Variants in PTPRN2 observed in about 807,000 individuals in gnomAD.
The protein encoded by PTPRN2 is receptor-type tyrosine-protein phosphatase N2.
A neutral mutation model predicts 118.8 loss-of-function variants in PTPRN2; 74 were observed. The ratio of observed to expected loss-of-function variants is 0.62; its 90% CI spans 0.52 to 0.76. The LOEUF (loss-of-function observed/expected upper bound fraction) is 0.76, where lower values mean the gene tolerates loss of function less well. PTPRN2 is among the 30% of genes least tolerant of loss of function. The pLI is 0.00. For synonymous variants in PTPRN2, 641 were observed against 608.0 expected, an observed-to-expected ratio of 1.05 and a Z score of -0.80; for missense variants, 1,481 against 1,394.4, an observed-to-expected ratio of 1.06 and a Z score of -0.99.
intron 2 of PTPRN2, among the ~76,000 whole-genome samples, chr7:158,387,578 G>GGGGGCTGCGGCAT (rs1563230352): frequency 7.6e-3 from 128 of 16,918 alleles, no homozygotes; most frequent in Middle Eastern, 0.031. Context: ...TGTCAGCTCA[G>GGGGGCTGCGGCAT]CTTGGCCCGG....
chr7:157,666,521 C>T (rs1250796870), intron 13 of PTPRN2, among the ~76,000 whole-genome samples: 1 of 149,760 alleles, frequency 6.7e-6, no homozygotes, highest in East Asian at 1.9e-4. Context: ...AAAAACCCCA[C>T]AGTAGAAAAT....
At chr7:158,337,569 A>C (rs1182717571) in intron 2 of PTPRN2, among the ~76,000 whole-genome samples, 2 of 140,038 alleles carry the variant, frequency 1.4e-5, no homozygotes, top group South Asian at 4.5e-4. Flanking sequence ...TCTCACCATA[A>C]TTGGTGACAC....
rs1475090619 is a variant in PTPRN2, at chr7:157,763,358, C to T, written c.1789-80421G>A. Among the ~76,000 whole-genome samples, 1 of 152,236 alleles carries T rather than the reference C, an allele frequency of 6.6e-6. No individual in the cohort carries two copies. The highest frequency in any genetic ancestry group is 1.5e-5 in the Non-Finnish European group (1 of 68,042). ...GGTGATGACAGCACAGACTCCAGCT[C>T]TCCAGAGGCCCAAGACAGCCTGCCC... is the stretch of plus-strand genomic sequence containing the variant. On this transcript the variant is annotated intron_variant, in intron 12 of 22. Transcript: ENST00000389418. The surrounding 1 kb of genome is among the most constrained non-coding windows in gnomAD (Gnocchi z 4.9).
At position 158,333,451 on chromosome 7, in the gene PTPRN2, C is replaced by CA. The variant is rs1804909961; in HGVS notation, c.164-16520_164-16519insT. On this transcript the variant is annotated intron_variant, in intron 2 of 22. Coordinates refer to ENST00000389418, the MANE Select transcript of PTPRN2 (RefSeq NM_002847.5). Reference sequence around the variant, plus strand: ...CATAAGAGGTGACACCTGCAGACGTCTCTCACACCCACACTCTCTCCATAA... The same window carrying CA: ...CATAAGAGGTGACACCTGCAGACGTCATCTCACACCCACACTCTCTCCATAA... Among the ~76,000 whole-genome samples the CA allele has an allele frequency of 1.4e-5, 2 of 146,132 alleles. 1 individual carries two copies. The highest frequency in any genetic ancestry group is 5.5e-5 in the African/African-American group (2 of 36,478).
intron 21 of PTPRN2, among the ~76,000 whole-genome samples, chr7:157,554,780 G>A (rs1176382427): frequency 2.0e-5 from 3 of 152,376 alleles, no homozygotes; most frequent in Admixed American, 6.5e-5. Flanking sequence ...GGGACAGAGC[G>A]TGGGGTCCAC....
In PTPRN2 at chr7:158,336,523, TAA is replaced by T. The variant is rs1355395181; in HGVS notation, c.164-19593_164-19592del. On this transcript the variant is annotated intron_variant, in intron 2 of 22. Coordinates refer to ENST00000389418, the MANE Select transcript of PTPRN2 (RefSeq NM_002847.5). The stretch of plus-strand genomic sequence containing the variant: ...GTCACTCACACCCACACTCTCACCA[TAA>T]GAGGTGAAACCTGCCGACGTCACTC... Among the ~76,000 whole-genome samples, 51 of 121,258 alleles carry T rather than the reference TAA, an allele frequency of 4.2e-4. 3 individuals are homozygous for T. Among genetic ancestry groups the T allele is most frequent in the Admixed American group, 2.3e-3 (28 of 12,052 alleles). The allele number at this position is 121,258 out of a possible 152,430, so 79.5% of individuals were successfully genotyped here. A position where few individuals can be genotyped will look rare whatever the true frequency, so the allele number is the denominator to read the frequency against.
rs117373075 is a variant in PTPRN2, at chr7:158,101,859, C to A, written c.1643+8970G>T. Among the ~76,000 whole-genome samples, 771 of 152,326 alleles carry A rather than the reference C, an allele frequency of 5.1e-3. 26 individuals are homozygous for A. In the East Asian group the frequency reaches 0.098, roughly 19 times the overall value. On this transcript the variant is annotated intron_variant, in intron 10 of 22. Coordinates refer to ENST00000389418, the MANE Select transcript of PTPRN2 (RefSeq NM_002847.5). ...ACCACTCCTCCCTTCTTCATTCTGG[C>A]CCACCCTCTCCCAGGGGATGTTACT... is the stretch of plus-strand genomic sequence containing the variant.
In PTPRN2 at chr7:157,587,226, GCAGACAGGCAGACAGCGAGACAGGCAGA is replaced by G. The variant is rs1585068389; in HGVS notation, c.2496+7984_2496+8011del. On this transcript the variant is annotated intron_variant, in intron 17 of 22. Transcript: ENST00000389418. The surrounding 1 kb of genome is among the most constrained non-coding windows in gnomAD (Gnocchi z 5.3). The stretch of plus-strand genomic sequence containing the variant: ...AGGCAGACAGAGACAAGACACACAG[GCAGACAGGCAGACAGCGAGACAGGCAGA>G]CAGACAGGCAGACAAACAGGCAGAC... 3.3e-5 allele frequency among the ~76,000 whole-genome samples: 5 copies of G among 151,404 alleles called. No individual in the cohort carries two copies. The South Asian group carries it at 1.0e-3, about 32-fold the overall frequency.
At chr7:158,366,256 ACACACACC>A (rs1381965055) in intron 2 of PTPRN2, among the ~76,000 whole-genome samples, 1 of 146,470 alleles carries the variant, frequency 6.8e-6, no homozygotes, top group African/African-American at 2.6e-5. Context: ...GTGCACATGC[ACACACACC>A]CACACACCCA....
intron 1 of PTPRN2, among the ~76,000 whole-genome samples, chr7:158,490,107 C>T (rs1821336406): frequency 1.3e-5 from 2 of 152,172 alleles, no homozygotes; most frequent in Non-Finnish European, 2.9e-5. Flanking sequence ...CGGGGCCTCC[C>T]CTTGAGGCCT....
chr7:158,488,568 C>T (rs1186947105), intron 2 of PTPRN2, among the ~76,000 whole-genome samples: 1 of 152,220 alleles, frequency 6.6e-6, no homozygotes, highest in Admixed American at 6.5e-5. Context: ...CTCAGACCCT[C>T]AGAGGCATTC....
chr7:158,071,278 C>CATAGTATGGAGGTGCT (rs1811481871), intron 11 of PTPRN2, among the ~76,000 whole-genome samples: 1 of 25,126 alleles, frequency 4.0e-5, no homozygotes, highest in African/African-American at 1.9e-4. Flanking sequence ...GTGGAGGTGC[C>CATAGTATGGAGGTGCT]CGTGGTGGTG....
In PTPRN2 at chr7:157,539,752, CCTT is replaced by C. The variant is rs1215170371; in HGVS notation, c.*959_*961del. 2.0e-5 allele frequency: 3 copies of C among 151,922 alleles called. No individual in the cohort carries two copies. Among genetic ancestry groups the C allele is most frequent in the African/African-American group, 7.3e-5 (3 of 41,128 alleles). 9.4% of individuals were successfully genotyped at this position (151,922 alleles called of 1,614,324 possible). On this transcript the variant is annotated 3_prime_UTR_variant, in exon 23 of 23. Coordinates refer to ENST00000389418, the MANE Select transcript of PTPRN2 (RefSeq NM_002847.5). The stretch of plus-strand genomic sequence containing the variant: ...AGCCCTCTCCGAGTTGCCCTGATCT[CCTT>C]CTCTCCCAGGAGGGAAATGTCCCCT...
At chr7:157,823,922 T>G (rs1382118312) in intron 12 of PTPRN2, among the ~76,000 whole-genome samples, 1 of 152,170 alleles carries the variant, frequency 6.6e-6, no homozygotes, top group African/African-American at 2.4e-5. Context: ...CAGTCCTTCG[T>G]TCCACAGCTG....
intron 13 of PTPRN2, chr7:157,669,488 G>A (rs1796303000): frequency 4.3e-6 from 2 of 470,342 alleles, no homozygotes; most frequent in African/African-American, 2.0e-5. Flanking sequence ...GGGCCACAGA[G>A]CTCTGCAGGC....
At chr7:158,175,976 T>TCC (rs1338010021) in intron 5 of PTPRN2, among the ~76,000 whole-genome samples, 1 of 150,798 alleles carries the variant, frequency 6.6e-6, no homozygotes, top group Non-Finnish European at 1.5e-5. Context: ...CCCGCCCTGC[T>TCC]GAGACTCACG....
At chr7:158,300,927 C>T (rs898187145) in intron 3 of PTPRN2, among the ~76,000 whole-genome samples, 2 of 152,134 alleles carry the variant, frequency 1.3e-5, no homozygotes, top group Non-Finnish European at 2.9e-5. Flanking sequence ...GAATGAAATA[C>T]ATATGCATGT....
At chr7:157,633,300 G>A (rs544518473) in intron 14 of PTPRN2, among the ~76,000 whole-genome samples, 13 of 152,100 alleles carry the variant, frequency 8.5e-5, no homozygotes, top group African/African-American at 2.9e-4. Context: ...ACCATCATAC[G>A]AAAACGAAAT....
At chr7:158,125,364 C>A (rs1447215289) in intron 9 of PTPRN2, among the ~76,000 whole-genome samples, 1 of 151,816 alleles carries the variant, frequency 6.6e-6, no homozygotes, top group Admixed American at 6.6e-5. Flanking sequence ...TGCCTCGCGT[C>A]CCTCCCACGG....
Sources: gnomAD v4.1 joint callset for allele counts (sites outside exome capture counted in the v4.1 genomes callset) on GRCh38, gnomAD v4.1.1 for gene constraint, Gnocchi (gnomAD v3.1) non-coding constraint, MANE v1.5 for transcripts, NCBI Gene and HGNC (gene_info 2026-07-23, HGNC 2026-07-21) for gene names.